ASCC1: variants seen among roughly 807,000 people sequenced by gnomAD.
The protein encoded by ASCC1 is ASC-1 complex subunit P50.
ASCC1 carries 35 observed loss-of-function variants against 46.6 expected under a neutral mutation model. That is an observed-to-expected ratio of 0.75 (90% confidence interval 0.57 to 0.99). The LOEUF is 0.99. Among genes scored for constraint, ASCC1 ranks in the 50% least tolerant of loss-of-function variants. The pLI is 0.00. For missense variants in ASCC1, 376 were observed against 428.7 expected (o/e 0.88, Z 1.09); for synonymous variants, 143 against 146.6 (o/e 0.98, Z 0.18).
intron 4 of ASCC1, among the ~76,000 whole-genome samples, chr10:72,198,911 G>A (rs981921003): frequency 2.6e-5 from 4 of 151,954 alleles, no homozygotes; most frequent in African/African-American, 7.3e-5. Context: ...CCGCCTCCCA[G>A]GTTCAAGCGA....
chr10:72,197,024 G>A (rs764701971), intron 4 of ASCC1, 35 bp from the exon 5 acceptor site: 2 of 1,609,784 alleles, frequency 1.2e-6, no homozygotes, highest in South Asian at 2.2e-5. Context: ...ACTGCTCAAG[G>A]ACCCCCAAAT....
At chr10:72,157,012 G>A (rs1379214251) in intron 6 of ASCC1, among the ~76,000 whole-genome samples, 1 of 152,052 alleles carries the variant, frequency 6.6e-6, no homozygotes, top group Non-Finnish European at 1.5e-5. Context: ...TTTCCATGTT[G>A]CCCAGGGTGG....
At position 72,096,735 on chromosome 10, in the gene ASCC1, G is replaced by T. The variant is rs903971190; in HGVS notation, c.*599C>A. ...AACATTCCATTATATGTATAATACA[G>T]GAAGGAAATCCTGTCACCTGACACA... On this transcript the variant is annotated 3_prime_UTR_variant, in exon 10 of 10. Coordinates refer to ENST00000672957, the MANE Select transcript of ASCC1 (RefSeq NM_001198800.3). The T allele has an allele frequency of 4.2e-5, 19 of 453,970 alleles. No homozygotes were observed. The highest frequency in any genetic ancestry group is 1.4e-4 in the Admixed American group (6 of 42,556). The allele number at this position is 453,970 out of a possible 1,614,324, so 28.1% of individuals were successfully genotyped here.
chr10:72,130,332 C>G (rs1845441857), intron 8 of ASCC1, among the ~76,000 whole-genome samples: 1 of 151,888 alleles, frequency 6.6e-6, no homozygotes, highest in Non-Finnish European at 1.5e-5. Flanking sequence ...TTTAACCAGA[C>G]TAAAAACCAC....
chr10:72,116,750 C>A (rs1757276961), intron 9 of ASCC1, among the ~76,000 whole-genome samples: 1 of 152,082 alleles, frequency 6.6e-6, no homozygotes, highest in Non-Finnish European at 1.5e-5. Context: ...TTTTTCAGAA[C>A]TGTTATATTG....
intron 9 of ASCC1, among the ~76,000 whole-genome samples, chr10:72,109,383 T>C (rs980478506): frequency 1.3e-5 from 2 of 152,202 alleles, no homozygotes; most frequent in Non-Finnish European, 2.9e-5. Context: ...CTGACTGAGA[T>C]GGCATTCCTT....
chr10:72,137,061 C>G (rs1048969877), intron 7 of ASCC1, among the ~76,000 whole-genome samples: 3 of 152,130 alleles, frequency 2.0e-5, no homozygotes, highest in African/African-American at 7.2e-5. Flanking sequence ...CTGGACATAC[C>G]ACCATGCCCA....
chr10:72,170,772 A>G (rs1020680925), intron 5 of ASCC1, among the ~76,000 whole-genome samples: 2 of 152,146 alleles, frequency 1.3e-5, no homozygotes, highest in African/African-American at 4.8e-5. Context: ...ACAAAATTTG[A>G]ACGTGGATGG....
chr10:72,173,315 A>G (rs1029259291), intron 5 of ASCC1, among the ~76,000 whole-genome samples: 1 of 152,122 alleles, frequency 6.6e-6, no homozygotes, highest in African/African-American at 2.4e-5. Flanking sequence ...ATACCCAGCT[A>G]GAAAAAGGAA....
chr10:72,192,278 A>AC (rs1854630958), intron 5 of ASCC1, among the ~76,000 whole-genome samples: 1 of 151,798 alleles, frequency 6.6e-6, no homozygotes, highest in Non-Finnish European at 1.5e-5. Context: ...ATATGGTGAA[A>AC]CCCCATCTCC....
chr10:72,187,733 A>C lies in ASCC1; in HGVS notation c.489+9078T>G, dbSNP rs529679255. 6.6e-5 allele frequency among the ~76,000 whole-genome samples: 10 copies of C among 150,764 alleles called. No individual in the cohort carries two copies. In the South Asian group the frequency reaches 1.7e-3, roughly 25 times the overall value. ...AGAATCCGTCTCAAAAAAAAAAAAA[A>C]AAAAAAAAACTGGTTTTACAAATAC... is the stretch of plus-strand genomic sequence containing the variant. On this transcript the variant is annotated intron_variant, in intron 5 of 9. Transcript: ENST00000672957.
At chr10:72,142,556 G>A (rs1026824120) in intron 7 of ASCC1, among the ~76,000 whole-genome samples, 3 of 151,804 alleles carry the variant, frequency 2.0e-5, no homozygotes, top group Non-Finnish European at 2.9e-5. Flanking sequence ...TCGTAGAGAC[G>A]GGGTTTCACC....
intron 5 of ASCC1, among the ~76,000 whole-genome samples, chr10:72,169,291 C>A (rs1355081731): frequency 6.6e-6 from 1 of 152,004 alleles, no homozygotes; most frequent in African/African-American, 2.4e-5. Context: ...CAAAAATTAG[C>A]CGGGTGTGGT....
chr10:72,150,522 A>G (rs542620971), intron 7 of ASCC1, among the ~76,000 whole-genome samples: 4 of 152,350 alleles, frequency 2.6e-5, no homozygotes, highest in African/African-American at 9.6e-5. Context: ...GCTTTGATTC[A>G]ACTAATAAAT....
chr10:72,141,020 A>G (rs894277615), intron 7 of ASCC1, among the ~76,000 whole-genome samples: 2 of 150,368 alleles, frequency 1.3e-5, no homozygotes, highest in Non-Finnish European at 3.0e-5. Context: ...TATACCAAGT[A>G]TAACATCAAA....
chr10:72,128,596 C>T (rs1307624228), intron 8 of ASCC1, among the ~76,000 whole-genome samples: 1 of 152,150 alleles, frequency 6.6e-6, no homozygotes, highest in Non-Finnish European at 1.5e-5. Flanking sequence ...AGAGTTCACA[C>T]ATTAGCTAGT....
chr10:72,101,169 G>A (rs980738081), intron 9 of ASCC1, among the ~76,000 whole-genome samples: 6 of 152,146 alleles, frequency 3.9e-5, no homozygotes, highest in African/African-American at 1.4e-4. Context: ...TTACCATCTC[G>A]TTAGGGAGAG....
intron 9 of ASCC1, among the ~76,000 whole-genome samples, chr10:72,108,082 T>C (rs113421026): frequency 1.7e-4 from 26 of 150,066 alleles, no homozygotes; most frequent in African/African-American, 4.2e-4. Flanking sequence ...TTTTCTTTTT[T>C]TTTTTTTTTT....
chr10:72,209,797 A>T (rs1039606780), intron 3 of ASCC1, among the ~76,000 whole-genome samples: 10 of 151,050 alleles, frequency 6.6e-5, no homozygotes, highest in African/African-American at 7.4e-5. Context: ...ATAAATAAAT[A>T]AATTAAATAA....
Sources: gnomAD v4.1 joint callset for allele counts (sites outside exome capture counted in the v4.1 genomes callset) on GRCh38, gnomAD v4.1.1 for gene constraint, MANE v1.5 for transcripts, NCBI Gene and HGNC (gene_info 2026-07-23, HGNC 2026-07-21) for gene names.